Variants in CSMD3 observed in about 807,000 individuals in gnomAD.
The protein encoded by CSMD3 is CUB and sushi domain-containing protein 3.
CSMD3 carries 177 observed loss-of-function variants against 435.2 expected under a neutral mutation model. That is an observed-to-expected ratio of 0.41 (90% CI 0.36 to 0.46). The LOEUF (loss-of-function observed/expected upper bound fraction) is 0.46, where lower values mean the gene tolerates loss of function less well. CSMD3 is among the 20% of genes least tolerant of loss of function. CSMD3 has a pLI of 0.34. For synonymous variants in CSMD3, 1,656 were observed against 1,520.5 expected (o/e 1.09, Z -2.07); for missense variants, 4,265 against 4,504.6 (o/e 0.95, Z 1.52).
At chr8:113,418,639 T>C (rs978712781) in intron 1 of CSMD3, among the ~76,000 whole-genome samples, 1 of 152,212 alleles carries the variant, frequency 6.6e-6, no homozygotes, top group Non-Finnish European at 1.5e-5. Flanking sequence ...TCATAACTTA[T>C]AAATTCTAAT....
intron 45 of CSMD3, among the ~76,000 whole-genome samples, chr8:112,333,103 G>T (rs1455543569): frequency 6.6e-6 from 1 of 152,148 alleles, no homozygotes; most frequent in African/African-American, 2.4e-5. Flanking sequence ...AGTGTAACTT[G>T]TCCAAGGTCA....
intron 59 of CSMD3, among the ~76,000 whole-genome samples, chr8:112,278,121 G>A (rs760816078): frequency 4.6e-5 from 7 of 152,166 alleles, no homozygotes; most frequent in Non-Finnish European, 7.3e-5. Flanking sequence ...ATTCTGGGGA[G>A]GGGGCAGTTG....
intron 4 of CSMD3, among the ~76,000 whole-genome samples, chr8:113,112,269 T>C (rs544965660): frequency 1.3e-5 from 2 of 150,434 alleles, no homozygotes; most frequent in South Asian, 2.1e-4. Context: ...TAAAATGAGG[T>C]TGGATACCAA....
At chr8:112,289,167 TACA>T (rs1355422326) in intron 57 of CSMD3, among the ~76,000 whole-genome samples, 195 bp downstream of exon 57, 8 of 152,110 alleles carry the variant, frequency 5.3e-5, no homozygotes, top group Non-Finnish European at 2.9e-5. Flanking sequence ...ATTTATCATC[TACA>T]ACATCAGTAC....
At chr8:112,401,939 A>G (rs1831380509) in intron 35 of CSMD3, among the ~76,000 whole-genome samples, 1 of 152,206 alleles carries the variant, frequency 6.6e-6, no homozygotes. Flanking sequence ...ACAAATTAAA[A>G]TCAATAGTAT....
intron 1 of CSMD3, among the ~76,000 whole-genome samples, chr8:113,364,197 G>C (rs954558208): frequency 7.9e-5 from 12 of 151,964 alleles, no homozygotes; most frequent in Non-Finnish European, 1.3e-4. Context: ...TTTAAAAAGA[G>C]CTGTTAGAGT....
At chr8:112,912,148 G>A (rs554432370) in intron 10 of CSMD3, among the ~76,000 whole-genome samples, 10 of 148,946 alleles carry the variant, frequency 6.7e-5, no homozygotes, top group South Asian at 2.1e-4. Flanking sequence ...TTCTTCATTT[G>A]GTCATCCATT....
chr8:112,399,646 C>T (rs565089946), intron 35 of CSMD3, among the ~76,000 whole-genome samples: 1 of 152,240 alleles, frequency 6.6e-6, no homozygotes, highest in African/African-American at 2.4e-5. Context: ...TAGATATTTT[C>T]TCAGCCAAAT....
At chr8:112,657,085 C>G (rs1468088779) in intron 17 of CSMD3, among the ~76,000 whole-genome samples, 3 of 132,098 alleles carry the variant, frequency 2.3e-5, no homozygotes, top group African/African-American at 5.8e-5. Context: ...TTTTTTGAGG[C>G]AAAATCTAAT....
chr8:113,391,682 A>C (rs896701878), intron 1 of CSMD3, among the ~76,000 whole-genome samples: 2 of 152,026 alleles, frequency 1.3e-5, no homozygotes, highest in African/African-American at 4.8e-5. Context: ...ATGAATAGAG[A>C]ATTAAATATG....
chr8:113,065,229 C>G (rs1213008657), intron 5 of CSMD3, among the ~76,000 whole-genome samples: 1 of 151,786 alleles, frequency 6.6e-6, no homozygotes, highest in African/African-American at 2.4e-5. Flanking sequence ...TAGGTTGTGA[C>G]AAAAAAATAC....
chr8:112,698,609 A>C (rs2131862900), intron 13 of CSMD3, among the ~76,000 whole-genome samples: 1 of 152,272 alleles, frequency 6.6e-6, no homozygotes, highest in Middle Eastern at 3.4e-3. Flanking sequence ...GGGACATATC[A>C]AAAGGACATA....
intron 11 of CSMD3, among the ~76,000 whole-genome samples, chr8:112,844,132 C>A (rs1380323741): frequency 6.6e-6 from 1 of 151,896 alleles, no homozygotes; most frequent in African/African-American, 2.4e-5. Flanking sequence ...TGAGAAGATA[C>A]ATAAAAATAG....
chr8:113,360,936 G>T (rs968410511), intron 1 of CSMD3, among the ~76,000 whole-genome samples: 6 of 151,898 alleles, frequency 4.0e-5, no homozygotes, highest in African/African-American at 1.5e-4. Flanking sequence ...TCAAAGAAAT[G>T]GAAACATTTA....
intron 1 of CSMD3, among the ~76,000 whole-genome samples, chr8:113,355,745 TATATAC>T (rs2094220068): frequency 1.1e-5 from 1 of 91,858 alleles, no homozygotes; most frequent in Non-Finnish European, 2.0e-5. Flanking sequence ...TATATATATA[TATATAC>T]ACACACACAC....
At chr8:112,752,900 CGTGTGTGTGTGTGTGTGTGT>C (rs10617885) in intron 13 of CSMD3, among the ~76,000 whole-genome samples, 6 of 146,594 alleles carry the variant, frequency 4.1e-5, no homozygotes, top group Admixed American at 6.9e-5. Flanking sequence ...TTTGTTACCG[CGTGTGTGTGTGTGTGTGTGT>C]GTGTGTGTGT....
In CSMD3 at chr8:112,840,915, T is replaced by C. The variant is rs978861969; in HGVS notation, c.1756-11126A>G. 7.9e-5 allele frequency among the ~76,000 whole-genome samples: 12 copies of C among 151,816 alleles called. 1 individual carries two copies. The highest frequency in any genetic ancestry group is 3.3e-4 in the Admixed American group (5 of 15,200). On this transcript the variant is annotated intron_variant, in intron 11 of 70. Transcript: ENST00000297405. ...ATATGACTCTTTACCAGCACTGTTATAGTGATATAGATACAGACTAACTTT... is the reference window on the plus strand; with the variant it reads ...ATATGACTCTTTACCAGCACTGTTACAGTGATATAGATACAGACTAACTTT...
chr8:112,348,038 CAAAAGAGAAA>C (rs1235498042), intron 40 of CSMD3, among the ~76,000 whole-genome samples: 1 of 151,952 alleles, frequency 6.6e-6, no homozygotes, highest in Non-Finnish European at 1.5e-5. Context: ...ATACCAAAAC[CAAAAGAGAAA>C]AAGAAAACAG....
rs1032358874 is a variant in CSMD3 at position 112,650,316 on chromosome 8, G to C, written c.3038C>G (p.Pro1013Arg). Residue 1013 changes from proline to arginine, a missense_variant, in exon 19 of 71, where the codon CCT becomes CGT. By Grantham distance (103) the Pro-to-Arg change is moderately radical. This residue lies in a region of CSMD3 where 3,255 missense variants were observed against 3,380.2 expected (regional missense o/e 0.96). Transcript: ENST00000297405. Reference sequence around the variant, plus strand: ...GCGACGGCCATGTACAGGTATGCCAGGGTCCAAACAAGAATACGTGTTCAC... The same window carrying C: ...GCGACGGCCATGTACAGGTATGCCACGGTCCAAACAAGAATACGTGTTCAC... The part of the protein sequence containing the change: ...VTVNTYSCLD[P>R]GIPVHGRRYG... The C allele has an allele frequency of 6.2e-7, 1 of 1,613,912 alleles. No homozygotes were observed. The highest frequency in any genetic ancestry group is 8.5e-7 in the Non-Finnish European group (1 of 1,179,862).
Sources: allele counts gnomAD v4.1 joint callset (sites outside exome capture counted in the v4.1 genomes callset), GRCh38; gene constraint gnomAD v4.1.1; regional missense constraint gnomAD v4.1.1; transcripts MANE v1.5; gene names NCBI Gene and HGNC (gene_info 2026-07-23, HGNC 2026-07-21).